HMGXB4: variants seen among roughly 807,000 people sequenced by gnomAD.
HMGXB4 encodes HMG domain-containing protein 4.
In HMGXB4, 27 loss-of-function variants were observed where a neutral mutation model predicts 63.9. That is an observed-to-expected ratio of 0.42 (90% CI 0.31 to 0.58). HMGXB4 has a LOEUF of 0.58. Among genes scored for constraint, HMGXB4 ranks in the 20% least tolerant of loss-of-function variants. The probability of loss-of-function intolerance (pLI) is 0.13; values close to 1 mark genes in which losing one functional copy is unlikely to be tolerated. For missense variants in HMGXB4, 624 were observed against 700.7 expected (o/e 0.89, Z 1.24); for synonymous variants, 264 against 265.3 (o/e 0.99, Z 0.05).
At chr22:35,243,747 T>A in the HMGXB4 span, among the ~76,000 whole-genome samples, 1 of 152,162 alleles carries the variant, frequency 6.6e-6, no homozygotes, top group Non-Finnish European at 1.5e-5. Flanking sequence ...TTTCACCATG[T>A]TGTCCAGGCT....
Position 35,293,773 on chromosome 22 carries a change from A to G in HMGXB4, c.*122A>G. On this transcript the variant is annotated 3_prime_UTR_variant, in exon 11 of 11. Coordinates refer to ENST00000216106, the MANE Select transcript of HMGXB4 (RefSeq NM_001003681.3). ...GTTTTAAATTTTTATATCTATACAT[A>G]CATATATACATATATATATAATGTA... 1 of 533,626 alleles carries G rather than the reference A, an allele frequency of 1.9e-6. No homozygotes were observed. The highest frequency in any genetic ancestry group is 2.9e-5 in the South Asian group (1 of 33,938). 33.1% of individuals were successfully genotyped at this position (533,626 alleles called of 1,614,324 possible).
intron 5 of HMGXB4, among the ~76,000 whole-genome samples, chr22:35,282,250 T>C (rs75050189): frequency 3.8e-3 from 583 of 152,228 alleles, no homozygotes; most frequent in East Asian, 0.031. Context: ...AATCTCGGCT[T>C]ACTGCAAGCT....
rs187554677 is a variant in HMGXB4 at position 35,265,882 on chromosome 22, G to A, written c.1215+279G>A. 7.4e-4 allele frequency among the ~76,000 whole-genome samples: 112 copies of A among 151,318 alleles called. 1 individual carries two copies. The Middle Eastern group carries it at 0.01, about 14-fold the overall frequency. ...GCTCACTGCAACCTCCTCCTCCCAG[G>A]TTCAAGCCTCACCCTCCCAAGTAGC... On this transcript the variant is annotated intron_variant, in intron 5 of 10. Coordinates refer to ENST00000216106, the MANE Select transcript of HMGXB4 (RefSeq NM_001003681.3).
intron 1 of HMGXB4, chr22:35,261,778 C>CCA (rs1922876339): frequency 6.6e-6 from 1 of 152,154 alleles, no homozygotes; most frequent in African/African-American, 2.4e-5. Flanking sequence ...TCGCCCCCCC[C>CCA]AAAAAATGCA....
At chr22:35,258,292 A>C (rs897794996) in intron 1 of HMGXB4, 2 of 152,174 alleles carry the variant, frequency 1.3e-5, no homozygotes, top group African/African-American at 4.8e-5. Context: ...TACTACTTGT[A>C]GATTCACTTT....
At chr22:35,267,745 C>G (rs779741306) in intron 5 of HMGXB4, among the ~76,000 whole-genome samples, 1 of 152,134 alleles carries the variant, frequency 6.6e-6, no homozygotes, top group Non-Finnish European at 1.5e-5. Context: ...TGAAAGAATT[C>G]TGTAATGAAA....
intron 5 of HMGXB4, among the ~76,000 whole-genome samples, chr22:35,282,323 C>CG (rs1924304783): frequency 1.3e-5 from 2 of 152,108 alleles, no homozygotes; most frequent in Non-Finnish European, 2.9e-5. Flanking sequence ...ACTACAGGCG[C>CG]CCACCACCAT....
At chr22:35,263,674 C>G (rs1212265345) in intron 3 of HMGXB4, 122 bp from the exon 4 acceptor site, 2 of 699,054 alleles carry the variant, frequency 2.9e-6, no homozygotes, top group Non-Finnish European at 5.2e-6. Context: ...ACGTTATGCA[C>G]ATCTATTTTT....
chr22:35,244,945 AG>A, the HMGXB4 span, among the ~76,000 whole-genome samples: 1 of 152,200 alleles, frequency 6.6e-6, no homozygotes, highest in East Asian at 1.9e-4. Context: ...GTTTCTTTAC[AG>A]CACTGGGGAA....
chr22:35,253,630 TATG>T (rs1922283063), upstream of HMGXB4, among the ~76,000 whole-genome samples: 3 of 152,054 alleles, frequency 2.0e-5, no homozygotes, highest in African/African-American at 7.2e-5. Flanking sequence ...TGTGTGTGTG[TATG>T]TGTGTTGCTG....
At chr22:35,246,312 T>C in the HMGXB4 span, among the ~76,000 whole-genome samples, 2 of 152,036 alleles carry the variant, frequency 1.3e-5, no homozygotes, top group African/African-American at 4.8e-5. Context: ...TCTCGCTCTG[T>C]CGCCCAGGAT....
At chr22:35,273,209 C>T (rs542062613) in intron 5 of HMGXB4, among the ~76,000 whole-genome samples, 1 of 152,300 alleles carries the variant, frequency 6.6e-6, no homozygotes, top group South Asian at 2.1e-4. Flanking sequence ...TATTGAGTGC[C>T]AGGCTCTCCT....
At chr22:35,251,985 C>A in the HMGXB4 span, among the ~76,000 whole-genome samples, 1 of 152,108 alleles carries the variant, frequency 6.6e-6, no homozygotes, top group African/African-American at 2.4e-5. Flanking sequence ...GAAGCCAAGG[C>A]GGGTGGATCA....
chr22:35,254,643 C>T (rs1030208729), upstream of HMGXB4, among the ~76,000 whole-genome samples: 5 of 152,228 alleles, frequency 3.3e-5, no homozygotes, highest in African/African-American at 2.4e-5. Context: ...CCAACCCAAC[C>T]GGAATGTAAG....
chr22:35,264,970 T>TA lies in HMGXB4; in HGVS notation c.583dup (p.Ile195AsnfsTer13). ...AGCCTGATGGTTTAAAAATGAAACT[T>TA]ATTCTGTCACCAAAGGAGAAGGGAA... On this transcript the variant is annotated frameshift_variant, in exon 5 of 11. Coordinates refer to ENST00000216106, the MANE Select transcript of HMGXB4 (RefSeq NM_001003681.3). LOFTEE classifies it high-confidence loss of function. 1 of 1,614,080 alleles carries TA rather than the reference T, an allele frequency of 6.2e-7. No homozygotes were observed. Among genetic ancestry groups the TA allele is most frequent in the Non-Finnish European group, 8.5e-7 (1 of 1,180,016 alleles).
At chr22:35,268,368 A>G (rs1923397158) in intron 5 of HMGXB4, among the ~76,000 whole-genome samples, 1 of 152,220 alleles carries the variant, frequency 6.6e-6, no homozygotes, top group South Asian at 2.1e-4. Flanking sequence ...CTTCCTCCTT[A>G]ATATCTTTCA....
In HMGXB4 at chr22:35,295,114, T is replaced by G. The variant is rs1297426992; in HGVS notation, c.*1463T>G. 3 of 105,206 alleles carry G rather than the reference T, an allele frequency of 2.9e-5. No homozygotes were observed. In the East Asian group the frequency reaches 8.2e-4, roughly 29 times the overall value. 6.5% of individuals were successfully genotyped at this position (105,206 alleles called of 1,614,324 possible). On this transcript the variant is annotated 3_prime_UTR_variant, in exon 11 of 11. Transcript: ENST00000216106. ...ATGAGATTCTCTGCCAACACCAAGC[T>G]CTGAGTTAACTGTGCTTTCTTCTCC... is the stretch of plus-strand genomic sequence containing the variant.
chr22:35,268,835 C>T (rs1923425728), intron 5 of HMGXB4, among the ~76,000 whole-genome samples: 1 of 152,194 alleles, frequency 6.6e-6, no homozygotes, highest in African/African-American at 2.4e-5. Context: ...ATTCTTACCT[C>T]TATTCCTTTG....
At chr22:35,286,458 A>G (rs981288072) in intron 7 of HMGXB4, among the ~76,000 whole-genome samples, 1 of 152,242 alleles carries the variant, frequency 6.6e-6, no homozygotes, top group African/African-American at 2.4e-5. Context: ...AAATATGAGA[A>G]TGTGATTACT....
Sources: gnomAD v4.1 joint callset for allele counts (sites outside exome capture counted in the v4.1 genomes callset) on GRCh38, gnomAD v4.1.1 for gene constraint, MANE v1.5 for transcripts, NCBI Gene and HGNC (gene_info 2026-07-23, HGNC 2026-07-21) for gene names.